RALB: variants seen among roughly 807,000 people sequenced by gnomAD.
RALB encodes the protein RAS like proto-oncogene B.
A neutral mutation model predicts 21.3 loss-of-function variants in RALB; 16 were observed. The ratio of observed to expected loss-of-function variants is 0.75; its 90% CI spans 0.51 to 1.14. The LOEUF (loss-of-function observed/expected upper bound fraction) is 1.14, where lower values mean the gene tolerates loss of function less well. Among genes scored for constraint, RALB ranks in the 50% most tolerant of loss-of-function variants. RALB has a pLI of 0.00. For missense variants in RALB, 161 were observed against 256.2 expected (o/e 0.63, Z 2.54); for synonymous variants, 93 against 96.1 (o/e 0.97, Z 0.19).
In RALB at chr2:120,255,958, G is replaced by T. The variant is rs76403116; in HGVS notation, c.-48+2978G>T. On this transcript the variant is annotated intron_variant, in intron 1 of 4. Transcript: ENST00000272519. ...TACGGCATGAGATGAAGGAAATATA[G>T]TAGTTTGGTCCTGCGTGCCTGGCTG... Among the ~76,000 whole-genome samples the T allele has an allele frequency of 2.3e-4, 35 of 152,334 alleles. No homozygotes were observed. In the East Asian group the frequency reaches 6.4e-3, roughly 28 times the overall value.
intron 1 of RALB, among the ~76,000 whole-genome samples, chr2:120,264,786 C>T (rs76997974): frequency 6.6e-6 from 1 of 152,102 alleles, no homozygotes; most frequent in Admixed American, 6.5e-5. Flanking sequence ...CCCTGGCAGC[C>T]GCCATTCTAT....
intron 1 of RALB, among the ~76,000 whole-genome samples, chr2:120,240,669 A>G (rs1688879430): frequency 6.6e-6 from 1 of 152,132 alleles, no homozygotes; most frequent in Admixed American, 6.5e-5. Context: ...GATGGGAAGA[A>G]TGGCAGGCCT....
chr2:120,277,159 G>A (rs1431249432), intron 1 of RALB, among the ~76,000 whole-genome samples: 1 of 152,134 alleles, frequency 6.6e-6, no homozygotes, highest in Non-Finnish European at 1.5e-5. Flanking sequence ...TGTCATGAAG[G>A]GGTATTTGTT....
intron 2 of RALB, among the ~76,000 whole-genome samples, chr2:120,283,737 C>T (rs905844350): frequency 5.9e-5 from 9 of 152,178 alleles, no homozygotes; most frequent in Non-Finnish European, 1.0e-4. Context: ...AGAAAGGGTC[C>T]ACGTGAAGTT....
chr2:120,243,367 C>G (rs977157557), intron 1 of RALB, among the ~76,000 whole-genome samples: 6 of 152,228 alleles, frequency 3.9e-5, no homozygotes, highest in Non-Finnish European at 8.8e-5. Flanking sequence ...CCAGCCCTTA[C>G]CAGGACTCTG....
At chr2:120,271,027 G>A (rs1689651707) in intron 1 of RALB, among the ~76,000 whole-genome samples, 1 of 152,180 alleles carries the variant, frequency 6.6e-6, no homozygotes, top group Admixed American at 6.5e-5. Context: ...AATTTTAGGA[G>A]GGGGACTGAG....
At chr2:120,253,685 G>C (rs943953432) in intron 1 of RALB, 1 of 985,362 alleles carries the variant, frequency 1.0e-6, no homozygotes, top group Non-Finnish European at 1.2e-6. Context: ...TGTCCTCTCT[G>C]TGCTCATTTC....
chr2:120,257,511 AT>A (rs5833821), intron 1 of RALB, among the ~76,000 whole-genome samples: 105,351 of 151,494 alleles, frequency 0.7, 37,143 homozygotes, highest in Middle Eastern at 0.8. Context: ...TATGATCCTT[AT>A]TTTTTTTTTA....
intron 2 of RALB, among the ~76,000 whole-genome samples, chr2:120,279,131 C>G (rs1451820706): frequency 2.0e-5 from 3 of 152,108 alleles, no homozygotes; most frequent in African/African-American, 7.2e-5. Flanking sequence ...CAGTCAATCG[C>G]GAAGTGAAAG....
chr2:120,284,191 G>A (rs764342240), intron 2 of RALB, among the ~76,000 whole-genome samples: 50 of 152,168 alleles, frequency 3.3e-4, no homozygotes, highest in Non-Finnish European at 6.9e-4. Flanking sequence ...ATTAGTACAC[G>A]TTGAAGAGAA....
chr2:120,260,291 G>A (rs1689328836), intron 1 of RALB, among the ~76,000 whole-genome samples: 1 of 152,264 alleles, frequency 6.6e-6, no homozygotes, highest in African/African-American at 2.4e-5. Context: ...GGGCTCTGAG[G>A]ATTTCCAGCA....
At chr2:120,272,424 G>A (rs780652950) in intron 1 of RALB, among the ~76,000 whole-genome samples, 8 of 152,264 alleles carry the variant, frequency 5.3e-5, no homozygotes, top group South Asian at 2.1e-4. Flanking sequence ...GAAATATATC[G>A]GAAAATGAGG....
chr2:120,278,129 ATGTGAGAGCG>A (rs1689889424), intron 1 of RALB, among the ~76,000 whole-genome samples: 1 of 147,722 alleles, frequency 6.8e-6, no homozygotes. Flanking sequence ...GTGAGTGTGA[ATGTGAGAGCG>A]TGTGTGAGCG....
Position 120,294,437 on chromosome 2 carries a change from T to C in RALB, c.*1177T>C, listed in dbSNP as rs1573364093. The C allele has an allele frequency of 2.5e-6, 1 of 396,450 alleles. No individual in the cohort carries two copies. Among genetic ancestry groups the C allele is most frequent in the African/African-American group, 2.1e-5 (1 of 48,730 alleles). The allele number at this position is 396,450 out of a possible 1,614,324, so 24.6% of individuals were successfully genotyped here. On this transcript the variant is annotated 3_prime_UTR_variant, in exon 5 of 5. Coordinates refer to ENST00000272519, the MANE Select transcript of RALB (RefSeq NM_002881.3). ...TTGATGACATATCTTTAAACTTTCT[T>C]GCATCAGTATTCTAAATTGAGCAAA...
At chr2:120,253,471 A>G in intron 1 of RALB, 1 of 985,748 alleles carries the variant, frequency 1.0e-6, no homozygotes, top group Non-Finnish European at 1.2e-6. Flanking sequence ...TGTCTTGCAA[A>G]TGAGCATAAA....
At chr2:120,249,938 C>G (rs1689028381), upstream of RALB, among the ~76,000 whole-genome samples, 1 of 152,218 alleles carries the variant, frequency 6.6e-6, no homozygotes, top group African/African-American at 2.4e-5. Context: ...TGCCTCAGGA[C>G]TTTGCACAGG....
In RALB at chr2:120,253,446, GT is replaced by G; in HGVS notation, c.-48+470del. The G allele has an allele frequency of 3.0e-6, 3 of 985,654 alleles. No individual in the cohort carries two copies. The South Asian group carries it at 1.4e-4, about 46-fold the overall frequency. The allele number at this position is 985,654 out of a possible 1,614,324, so 61.1% of individuals were successfully genotyped here. ...GTTCCTAAAGGGCTTCGGTTTGCTG[GT>G]TTTGTTTTGGTCCTGTCTTGCAAAT... On this transcript the variant is annotated intron_variant, in intron 1 of 4. Coordinates refer to ENST00000272519, the MANE Select transcript of RALB (RefSeq NM_002881.3).
chr2:120,243,216 A>G (rs1245065405), intron 1 of RALB, among the ~76,000 whole-genome samples: 2 of 152,232 alleles, frequency 1.3e-5, no homozygotes, highest in Non-Finnish European at 2.9e-5. Flanking sequence ...CATGCACTCA[A>G]AACAAGAGAA....
chr2:120,264,739 A>G (rs547343121), intron 1 of RALB, among the ~76,000 whole-genome samples: 30 of 152,214 alleles, frequency 2.0e-4, no homozygotes, highest in African/African-American at 6.5e-4. Flanking sequence ...CTCTGCACCC[A>G]TTAAACACTG....
Sources: allele counts gnomAD v4.1 joint callset (sites outside exome capture counted in the v4.1 genomes callset), GRCh38; gene constraint gnomAD v4.1.1; transcripts MANE v1.5; gene names NCBI Gene and HGNC (gene_info 2026-07-23, HGNC 2026-07-21).